SMYD3: variants seen among roughly 807,000 people sequenced by gnomAD.
SMYD3 encodes the protein SET and MYND domain containing 3, also known as histone-lysine N-methyltransferase SMYD3.
In SMYD3, 36 loss-of-function variants were observed where a neutral mutation model predicts 57.7. The ratio of observed to expected loss-of-function variants is 0.62; its 90% confidence interval spans 0.48 to 0.82. The LOEUF (loss-of-function observed/expected upper bound fraction) is 0.82. SMYD3 is among the 40% of genes least tolerant of loss of function. The pLI is 0.00. For synonymous variants in SMYD3, 211 were observed against 195.0 expected, an observed-to-expected ratio of 1.08 and a Z score of -0.68; for missense variants, 515 against 538.8, an observed-to-expected ratio of 0.96 and a Z score of 0.44.
intron 5 of SMYD3, among the ~76,000 whole-genome samples, chr1:246,213,018 C>T (rs1447975829): frequency 6.6e-6 from 1 of 152,110 alleles, no homozygotes; most frequent in Non-Finnish European, 1.5e-5. Flanking sequence ...CTAGTATCAT[C>T]CAGGGCAGGT....
chr1:245,849,464 G>A (rs1386330196), intron 10 of SMYD3, among the ~76,000 whole-genome samples: 1 of 152,020 alleles, frequency 6.6e-6, no homozygotes, highest in African/African-American at 2.4e-5. Flanking sequence ...GATGAGTTAT[G>A]TGTATGGACC....
chr1:245,820,122 T>C (rs1325600831), intron 10 of SMYD3, among the ~76,000 whole-genome samples: 1 of 149,678 alleles, frequency 6.7e-6, no homozygotes, highest in African/African-American at 2.4e-5. Context: ...ATATCCTTGA[T>C]GAACATTGAT....
intron 5 of SMYD3, among the ~76,000 whole-genome samples, chr1:246,185,939 T>C (rs958116142): frequency 1.3e-5 from 2 of 152,150 alleles, no homozygotes; most frequent in African/African-American, 4.8e-5. Flanking sequence ...CAGTGGACCT[T>C]GGGCTTACAG....
At chr1:246,253,314 T>C (rs1259173026) in intron 5 of SMYD3, among the ~76,000 whole-genome samples, 1 of 152,202 alleles carries the variant, frequency 6.6e-6, no homozygotes, top group Admixed American at 6.5e-5. Context: ...TGTTGCCATC[T>C]TTATGTCCAT....
chr1:246,016,094 A>G (rs528036114), intron 5 of SMYD3, among the ~76,000 whole-genome samples: 2 of 152,296 alleles, frequency 1.3e-5, no homozygotes, highest in East Asian at 3.9e-4. Context: ...AAGCATTGAC[A>G]TGAGGTCTAT....
intron 1 of SMYD3, among the ~76,000 whole-genome samples, chr1:246,387,101 T>C (rs922435933): frequency 3.9e-5 from 6 of 152,108 alleles, no homozygotes; most frequent in Non-Finnish European, 8.8e-5. Context: ...AGAAATACTA[T>C]TAAGAAATAA....
intron 1 of SMYD3, among the ~76,000 whole-genome samples, chr1:246,407,527 G>A (rs1259612837): frequency 6.6e-6 from 1 of 152,096 alleles, no homozygotes; most frequent in Non-Finnish European, 1.5e-5. Context: ...ACCACACATT[G>A]GGTGGCTTAT....
intron 5 of SMYD3, among the ~76,000 whole-genome samples, chr1:246,277,010 T>C (rs1378840775): frequency 6.6e-6 from 1 of 152,246 alleles, no homozygotes; most frequent in Non-Finnish European, 1.5e-5. Flanking sequence ...ATGGGGGTAA[T>C]GAAAGTACTA....
At chr1:245,895,448 C>T (rs1410772466) in intron 8 of SMYD3, among the ~76,000 whole-genome samples, 1 of 152,150 alleles carries the variant, frequency 6.6e-6, no homozygotes, top group African/African-American at 2.4e-5. Context: ...TTGGGCTCAT[C>T]ATCCCACCAG....
intron 5 of SMYD3, among the ~76,000 whole-genome samples, chr1:245,942,291 A>C (rs772412433): frequency 9.2e-5 from 14 of 152,322 alleles, no homozygotes; most frequent in South Asian, 2.1e-4. Context: ...AAAATTTACC[A>C]AGCAAATGGA....
intron 5 of SMYD3, among the ~76,000 whole-genome samples, chr1:245,941,083 T>C (rs995077990): frequency 3.9e-5 from 6 of 152,086 alleles, no homozygotes; most frequent in African/African-American, 1.4e-4. Flanking sequence ...GAAGACTGTC[T>C]TGCTGAAATA....
chr1:245,978,138 C>T (rs568988652), intron 5 of SMYD3, among the ~76,000 whole-genome samples: 2 of 152,278 alleles, frequency 1.3e-5, no homozygotes, highest in East Asian at 1.9e-4. Flanking sequence ...GTGAAGTAAA[C>T]GCTTCCAAGT....
intron 5 of SMYD3, among the ~76,000 whole-genome samples, chr1:246,227,636 G>A (rs1191464261): frequency 6.6e-6 from 1 of 151,790 alleles, no homozygotes; most frequent in Non-Finnish European, 1.5e-5. Flanking sequence ...AGAGAAGAAA[G>A]AAGAAGAAGG....
intron 5 of SMYD3, among the ~76,000 whole-genome samples, chr1:246,278,803 T>C (rs2064386531): frequency 6.6e-6 from 1 of 152,140 alleles, no homozygotes. Flanking sequence ...GGCCACAAAG[T>C]ATGTGATAAT....
intron 10 of SMYD3, among the ~76,000 whole-genome samples, chr1:245,783,109 G>C (rs1192381885): frequency 1.3e-5 from 2 of 152,192 alleles, no homozygotes; most frequent in East Asian, 3.8e-4. Context: ...AAAATGCAGG[G>C]TAGAGAGTGG....
At chr1:246,494,259 G>C (rs533799194) in intron 1 of SMYD3, among the ~76,000 whole-genome samples, 2 of 152,160 alleles carry the variant, frequency 1.3e-5, no homozygotes, top group Non-Finnish European at 2.9e-5. Context: ...ACAGCACTTC[G>C]CTGCAGTCAT....
In SMYD3 at chr1:245,835,884, G is replaced by A. The variant is rs147918905; in HGVS notation, c.1076+22612C>T. Among the ~76,000 whole-genome samples the A allele has an allele frequency of 1.5e-3, 229 of 152,268 alleles. 2 individuals are homozygous for A. Among genetic ancestry groups the A allele is most frequent in the African/African-American group, 4.6e-3 (193 of 41,540 alleles). ...ATGGCTGGTCTTCCTTCTGTTCTCC[G>A]TCGACGTGACTTGTTAGCGTTAACA... On this transcript the variant is annotated intron_variant, in intron 10 of 11. Coordinates refer to ENST00000490107, the MANE Select transcript of SMYD3 (RefSeq NM_001167740.2).
At chr1:245,989,370 T>C (rs1558563070) in intron 5 of SMYD3, among the ~76,000 whole-genome samples, 5 of 152,244 alleles carry the variant, frequency 3.3e-5, no homozygotes. Flanking sequence ...TGTGTACTTT[T>C]CTCACTCCTA....
intron 5 of SMYD3, among the ~76,000 whole-genome samples, chr1:245,997,478 G>T (rs1168551517): frequency 6.6e-6 from 1 of 152,138 alleles, no homozygotes; most frequent in African/African-American, 2.4e-5. Flanking sequence ...CTATTTTTTT[G>T]GCTAGCAATG....
Sources: gnomAD v4.1 joint callset for allele counts (sites outside exome capture counted in the v4.1 genomes callset) on GRCh38, gnomAD v4.1.1 for gene constraint, MANE v1.5 for transcripts, NCBI Gene and HGNC (gene_info 2026-07-23, HGNC 2026-07-21) for gene names.